ULK4: variants seen among roughly 807,000 people sequenced by gnomAD.
The protein encoded by ULK4 is unc-51 like kinase 4.
In ULK4, 133 loss-of-function variants were observed where a neutral mutation model predicts 160.6. That is an observed-to-expected ratio of 0.83 (90% CI 0.72 to 0.96). ULK4 has a LOEUF of 0.96. ULK4 is among the 40% of genes least tolerant of loss of function. The pLI, the probability that ULK4 is intolerant of heterozygous loss-of-function variation, is 0.00. For missense variants in ULK4, 1,580 were observed against 1,499.5 expected, an observed-to-expected ratio of 1.05 and a Z score of -0.89; for synonymous variants, 534 against 539.8, an observed-to-expected ratio of 0.99 and a Z score of 0.15.
chr3:41,930,342 G>T (rs1309860185), intron 5 of ULK4, among the ~76,000 whole-genome samples: 1 of 151,994 alleles, frequency 6.6e-6, no homozygotes, highest in Admixed American at 6.6e-5. Flanking sequence ...ATTAATTCAA[G>T]ATGGATTAAA....
intron 21 of ULK4, among the ~76,000 whole-genome samples, chr3:41,759,535 C>G (rs1269889400): frequency 6.6e-6 from 1 of 152,096 alleles, no homozygotes; most frequent in East Asian, 1.9e-4. Context: ...TGTAGTAAGA[C>G]TCAAGTTAGT....
At chr3:41,521,266 C>T (rs17058392) in intron 32 of ULK4, among the ~76,000 whole-genome samples, 10,968 of 152,226 alleles carry the variant, frequency 0.072, 548 homozygotes, top group Admixed American at 0.13. Flanking sequence ...TCAGTAGGTT[C>T]CCGGTCCTTC....
intron 32 of ULK4, among the ~76,000 whole-genome samples, chr3:41,498,916 A>T (rs1055152720): frequency 5.3e-5 from 8 of 152,140 alleles, no homozygotes; most frequent in Admixed American, 3.3e-4. Context: ...TTTAAAGATT[A>T]ATGTAACTGA....
intron 31 of ULK4, among the ~76,000 whole-genome samples, chr3:41,579,693 C>T (rs928989509): frequency 5.9e-5 from 9 of 151,798 alleles, no homozygotes; most frequent in African/African-American, 1.5e-4. Context: ...GGGGTTTCAC[C>T]GTGTTAGCCA....
rs1553640531 is a variant in ULK4 at position 41,300,837 on chromosome 3, T to TATATA, written c.3679-51264_3679-51263insTATAT. Among the ~76,000 whole-genome samples, 320 of 57,858 alleles carry TATATA rather than the reference T, an allele frequency of 5.5e-3. 37 individuals carry two copies. The highest frequency in any genetic ancestry group is 9.6e-3 in the African/African-American group (210 of 21,950). The allele number at this position is 57,858 out of a possible 152,430, so 38.0% of individuals were successfully genotyped here. The stretch of plus-strand genomic sequence containing the variant: ...GATTAAATTTTGATCATTTTACAGA[T>TATATA]TATATATATATATATATATATATAT... On this transcript the variant is annotated intron_variant, in intron 35 of 36. Transcript: ENST00000301831.
intron 32 of ULK4, among the ~76,000 whole-genome samples, chr3:41,488,986 G>A (rs2125904202): frequency 6.6e-6 from 1 of 152,212 alleles, no homozygotes; most frequent in East Asian, 1.9e-4. Context: ...CCCTCTTGGT[G>A]AGCACCCCTC....
intron 19 of ULK4, among the ~76,000 whole-genome samples, chr3:41,812,466 A>G (rs1350920748): frequency 6.6e-6 from 1 of 152,194 alleles, no homozygotes; most frequent in Non-Finnish European, 1.5e-5. Context: ...AAAAAAAAAG[A>G]GTACAGCAGT....
At chr3:41,662,558 T>C (rs2035212958) in intron 30 of ULK4, among the ~76,000 whole-genome samples, 1 of 152,128 alleles carries the variant, frequency 6.6e-6, no homozygotes, top group South Asian at 2.1e-4. Flanking sequence ...CAGTGGCTCA[T>C]AATAATGCAA....
intron 34 of ULK4, among the ~76,000 whole-genome samples, chr3:41,441,547 G>T (rs907583591): frequency 6.6e-6 from 1 of 151,868 alleles, no homozygotes. Flanking sequence ...ATTTACATAT[G>T]TATAAATTTA....
chr3:41,772,846 G>T (rs185146929), intron 21 of ULK4, among the ~76,000 whole-genome samples: 107 of 152,240 alleles, frequency 7.0e-4, no homozygotes, highest in African/African-American at 2.4e-3. Context: ...ACCAAATCCA[G>T]CAGCACATCA....
At chr3:41,503,873 G>A (rs1309261693) in intron 32 of ULK4, among the ~76,000 whole-genome samples, 2 of 152,062 alleles carry the variant, frequency 1.3e-5, no homozygotes, top group African/African-American at 2.4e-5. Flanking sequence ...CTTGAAAAGA[G>A]CTAGAACTAG....
chr3:41,252,771 A>G (rs1044678015), intron 35 of ULK4, among the ~76,000 whole-genome samples: 53 of 152,278 alleles, frequency 3.5e-4, no homozygotes, highest in Admixed American at 1.8e-3. Flanking sequence ...CTATTCCAAA[A>G]CATGCTCAAA....
chr3:41,721,086 A>G (rs527339999), intron 22 of ULK4, among the ~76,000 whole-genome samples: 249 of 151,838 alleles, frequency 1.6e-3, no homozygotes, highest in African/African-American at 5.7e-3. Flanking sequence ...GAAAATAAGC[A>G]AAGTTCAAAA....
At chr3:41,846,103 T>C (rs896977394) in intron 17 of ULK4, among the ~76,000 whole-genome samples, 1 of 152,164 alleles carries the variant, frequency 6.6e-6, no homozygotes, top group African/African-American at 2.4e-5. Flanking sequence ...TAGACACACA[T>C]CATATAATTT....
At chr3:41,288,423 C>A (rs1273301258) in intron 35 of ULK4, among the ~76,000 whole-genome samples, 1 of 151,916 alleles carries the variant, frequency 6.6e-6, no homozygotes, top group African/African-American at 2.4e-5. Flanking sequence ...TCTGCTGGTG[C>A]CTTCTGGGAA....
chr3:41,453,504 G>A (rs2083469918), intron 34 of ULK4, among the ~76,000 whole-genome samples: 2 of 152,134 alleles, frequency 1.3e-5, no homozygotes, highest in South Asian at 4.1e-4. Context: ...AGCTATATTT[G>A]TTGAACACAT....
At chr3:41,392,432 A>G (rs1486299675) in intron 35 of ULK4, among the ~76,000 whole-genome samples, 1 of 152,158 alleles carries the variant, frequency 6.6e-6, no homozygotes, top group Non-Finnish European at 1.5e-5. Context: ...TGGGACTTTA[A>G]ACAGAAATGT....
intron 35 of ULK4, among the ~76,000 whole-genome samples, chr3:41,255,129 T>TACACAC (rs369404667): frequency 0.01 from 1,511 of 144,214 alleles, 43 homozygotes; most frequent in African/African-American, 0.035. Context: ...AAATTATGGC[T>TACACAC]ACACACACAC....
At chr3:41,644,429 T>C (rs1261729736) in intron 30 of ULK4, among the ~76,000 whole-genome samples, 8 of 152,184 alleles carry the variant, frequency 5.3e-5, no homozygotes, top group Non-Finnish European at 8.8e-5. Context: ...TCAAAGGCCT[T>C]TTCTGCATCT....
Sources: allele counts gnomAD v4.1 joint callset (sites outside exome capture counted in the v4.1 genomes callset), GRCh38; gene constraint gnomAD v4.1.1; transcripts MANE v1.5; gene names NCBI Gene and HGNC (gene_info 2026-07-23, HGNC 2026-07-21).